Variants in ZNF407 observed in about 807,000 individuals in gnomAD.
ZNF407 encodes the protein zinc finger protein 407.
In ZNF407, 17 loss-of-function variants were observed where a neutral mutation model predicts 131.2. The observed-to-expected ratio is 0.13, with a 90% CI of 0.09 to 0.19. ZNF407 has a LOEUF of 0.19. Ranked by LOEUF, ZNF407 falls within the 10% of genes least tolerant of loss-of-function variation. The pLI, the probability that ZNF407 is intolerant of heterozygous loss-of-function variation, is 1.00. For missense variants in ZNF407, 2,681 were observed against 2,830.6 expected, an observed-to-expected ratio of 0.95 and a Z score of 1.20; for synonymous variants, 1,156 against 1,062.0, an observed-to-expected ratio of 1.09 and a Z score of -1.72.
intron 3 of ZNF407, among the ~76,000 whole-genome samples, chr18:74,772,122 GA>G (rs1223815727): frequency 6.6e-6 from 1 of 152,116 alleles, no homozygotes. Context: ...CCATTTTCTT[GA>G]AAAAGTCAAA....
chr18:74,699,445 CT>C (rs1490311299), intron 3 of ZNF407, among the ~76,000 whole-genome samples: 2 of 152,094 alleles, frequency 1.3e-5, no homozygotes, highest in Admixed American at 6.6e-5. Context: ...CCCAGAGTAG[CT>C]ATTTTGGAGA....
At chr18:74,779,821 C>T (rs888141498) in intron 3 of ZNF407, among the ~76,000 whole-genome samples, 30 of 151,910 alleles carry the variant, frequency 2.0e-4, no homozygotes, top group African/African-American at 7.0e-4. Context: ...TGTACTTGGT[C>T]GTGTAAATAA....
intron 8 of ZNF407, among the ~76,000 whole-genome samples, chr18:75,029,041 A>G (rs1264611290): frequency 6.6e-6 from 1 of 152,242 alleles, no homozygotes; most frequent in African/African-American, 2.4e-5. Flanking sequence ...CACGAATAAA[A>G]TTAGCACAGC....
intron 3 of ZNF407, among the ~76,000 whole-genome samples, chr18:74,680,709 A>C (rs1474989021): frequency 1.3e-5 from 2 of 152,134 alleles, no homozygotes; most frequent in Non-Finnish European, 2.9e-5. Context: ...TTTGAAGGGA[A>C]TCTGAAGGCT....
Position 74,634,208 on chromosome 18 carries a change from G to A in ZNF407, c.3189G>A (p.Arg1063=). The change falls in exon 2 of 9, where the codon AGG becomes AGA. Residue 1063 remains arginine (R), a synonymous_variant. Coordinates refer to ENST00000299687, the MANE Select transcript of ZNF407 (RefSeq NM_017757.3). Reference sequence around the variant, plus strand: ...CGGTGACTCGTCGCGAGATGACCAGGCATGCAGCAACAGAGAAGCACAAAA... The same window carrying A: ...CGGTGACTCGTCGCGAGATGACCAGACATGCAGCAACAGAGAAGCACAAAA... ...YYAVTRREMT[R]HAATEKHKMK... 3 of 1,614,004 alleles carry A rather than the reference G, an allele frequency of 1.9e-6. No individual in the cohort carries two copies. The highest frequency in any genetic ancestry group is 2.5e-6 in the Non-Finnish European group (3 of 1,179,892).
intron 3 of ZNF407, among the ~76,000 whole-genome samples, chr18:74,771,517 T>A (rs1443290544): frequency 6.8e-6 from 1 of 146,578 alleles, no homozygotes; most frequent in Non-Finnish European, 1.5e-5. Flanking sequence ...TATTTCATCT[T>A]ATATGTTATA....
chr18:74,975,209 C>T (rs1039652082), intron 8 of ZNF407, among the ~76,000 whole-genome samples: 11 of 152,156 alleles, frequency 7.2e-5, no homozygotes, highest in Admixed American at 5.9e-4. Flanking sequence ...AGAGTTATGG[C>T]GATATATTAC....
At chr18:74,862,518 G>A (rs918586159) in intron 4 of ZNF407, among the ~76,000 whole-genome samples, 13 of 152,180 alleles carry the variant, frequency 8.5e-5, no homozygotes, top group African/African-American at 2.4e-4. Flanking sequence ...CTATAAAGCT[G>A]TAGCTATCTT....
intron 8 of ZNF407, among the ~76,000 whole-genome samples, chr18:74,956,274 C>A (rs1217611836): frequency 6.6e-6 from 1 of 151,976 alleles, no homozygotes; most frequent in Non-Finnish European, 1.5e-5. Context: ...TTCCTCCTGA[C>A]ATCCACCAGC....
intron 5 of ZNF407, among the ~76,000 whole-genome samples, chr18:74,879,850 G>T (rs1599216973): frequency 6.6e-6 from 1 of 152,126 alleles, no homozygotes; most frequent in South Asian, 2.1e-4. Flanking sequence ...AAAATAAAGG[G>T]AAGACTCTTT....
At chr18:75,022,401 C>T (rs1015213202) in intron 8 of ZNF407, among the ~76,000 whole-genome samples, 1 of 152,190 alleles carries the variant, frequency 6.6e-6, no homozygotes, top group Non-Finnish European at 1.5e-5. Flanking sequence ...CTGTCATTCA[C>T]CTGTGAGTCT....
intron 8 of ZNF407, among the ~76,000 whole-genome samples, chr18:75,010,223 ACATGAGATTTCATCT>A (rs924372887): frequency 6.6e-5 from 10 of 152,228 alleles, no homozygotes; most frequent in African/African-American, 2.2e-4. Context: ...CCCCCTGTCT[ACATGAGATTTCATCT>A]CATGAGATTT....
intron 4 of ZNF407, among the ~76,000 whole-genome samples, chr18:74,870,843 C>A (rs753245100): frequency 6.6e-6 from 1 of 151,842 alleles, no homozygotes; most frequent in Non-Finnish European, 1.5e-5. Flanking sequence ...AATTTAAGCA[C>A]GATATATAGT....
intron 4 of ZNF407, among the ~76,000 whole-genome samples, chr18:74,782,557 CCTCTT>C (rs72092645): frequency 0.17 from 25,697 of 151,256 alleles, 3,463 homozygotes; most frequent in African/African-American, 0.36. Context: ...CCCCTCCCCT[CCTCTT>C]CTCTTCTCTT....
intron 4 of ZNF407, among the ~76,000 whole-genome samples, chr18:74,869,391 C>A (rs1250754868): frequency 6.6e-6 from 1 of 152,190 alleles, no homozygotes; most frequent in Non-Finnish European, 1.5e-5. Flanking sequence ...AGCCCTGCAG[C>A]CCTGCCATAC....
At chr18:74,601,984 A>G (rs918777520) in intron 1 of ZNF407, among the ~76,000 whole-genome samples, 1 of 152,260 alleles carries the variant, frequency 6.6e-6, no homozygotes, top group African/African-American at 2.4e-5. Context: ...CTACATATGT[A>G]TCTTGCTTGC....
chr18:74,806,215 C>T (rs988776818), intron 4 of ZNF407, among the ~76,000 whole-genome samples: 4 of 152,176 alleles, frequency 2.6e-5, no homozygotes, highest in South Asian at 2.1e-4. Context: ...TTGGCTAGGC[C>T]GCGCCCCTTA....
chr18:74,720,803 A>T (rs1398101821), intron 3 of ZNF407, among the ~76,000 whole-genome samples: 1 of 152,004 alleles, frequency 6.6e-6, no homozygotes, highest in African/African-American at 2.4e-5. Context: ...ACATATGTGG[A>T]TTAATTTTTG....
At chr18:74,847,634 G>A (rs144232865) in intron 4 of ZNF407, among the ~76,000 whole-genome samples, 1 of 152,100 alleles carries the variant, frequency 6.6e-6, no homozygotes, top group South Asian at 2.1e-4. Context: ...GCCTTCTCTT[G>A]TATTTTTAAA....
Sources: gnomAD v4.1 joint callset for allele counts (sites outside exome capture counted in the v4.1 genomes callset) on GRCh38, gnomAD v4.1.1 for gene constraint, MANE v1.5 for transcripts, NCBI Gene and HGNC (gene_info 2026-07-23, HGNC 2026-07-21) for gene names.